The following GPR158 variants were observed in gnomAD, a reference collection of about 807,000 sequenced individuals.
GPR158 encodes the protein G protein-coupled receptor 158.
A neutral mutation model predicts 78.2 loss-of-function variants in GPR158; 30 were observed. The ratio of observed to expected loss-of-function variants is 0.38; its 90% CI spans 0.29 to 0.52. The LOEUF is 0.52. Ranked by LOEUF, GPR158 falls within the 20% of genes least tolerant of loss-of-function variation. GPR158 has a pLI of 0.83. For synonymous variants in GPR158, 581 were observed against 591.1 expected (o/e 0.98, Z 0.25); for missense variants, 1,463 against 1,523.5 (o/e 0.96, Z 0.66).
chr10:25,564,625 C>A (rs1564491303), intron 6 of GPR158, among the ~76,000 whole-genome samples: 1 of 152,158 alleles, frequency 6.6e-6, no homozygotes, highest in African/African-American at 2.4e-5. Flanking sequence ...AAAATAAGGT[C>A]CATTGTGCTC....
intron 5 of GPR158, among the ~76,000 whole-genome samples, chr10:25,530,407 A>G (rs2130692686): frequency 6.6e-6 from 1 of 152,290 alleles, no homozygotes; most frequent in African/African-American, 2.4e-5. Flanking sequence ...GCGATAAAAT[A>G]TTATTACGGA....
chr10:25,202,391 T>C (rs1466971125), intron 1 of GPR158, among the ~76,000 whole-genome samples: 1 of 152,120 alleles, frequency 6.6e-6, no homozygotes, highest in Non-Finnish European at 1.5e-5. Flanking sequence ...CCCCTAATGC[T>C]ATCTCTACCC....
At chr10:25,217,432 A>C (rs1472283307) in intron 1 of GPR158, among the ~76,000 whole-genome samples, 1 of 152,220 alleles carries the variant, frequency 6.6e-6, no homozygotes, top group Non-Finnish European at 1.5e-5. Context: ...GCCAAAGGTC[A>C]TCTCGTCACA....
chr10:25,574,525 G>C lies in GPR158; in HGVS notation c.1753+1638G>C, dbSNP rs73610306. ...CAGAACTCAGGAACCTTTTATAAAG[G>C]ACAAGTTCTTTAACCATGGGTAATG... On this transcript the variant is annotated intron_variant, in intron 7 of 10. Coordinates refer to ENST00000376351, the MANE Select transcript of GPR158 (RefSeq NM_020752.3). 5.6e-3 allele frequency among the ~76,000 whole-genome samples: 846 copies of C among 152,282 alleles called. 11 individuals carry two copies. Among genetic ancestry groups the C allele is most frequent in the African/African-American group, 0.019 (787 of 41,550 alleles).
At chr10:25,403,638 T>C (rs1472383245) in intron 3 of GPR158, among the ~76,000 whole-genome samples, 1 of 152,086 alleles carries the variant, frequency 6.6e-6, no homozygotes, top group Admixed American at 6.6e-5. Context: ...CAAATTTTGA[T>C]GCAACATGGT....
intron 1 of GPR158, among the ~76,000 whole-genome samples, chr10:25,205,066 T>G (rs1351981749): frequency 6.6e-6 from 1 of 152,130 alleles, no homozygotes; most frequent in Admixed American, 6.5e-5. Flanking sequence ...TTAGTTCTCA[T>G]TCTCTCTCTT....
intron 3 of GPR158, among the ~76,000 whole-genome samples, chr10:25,404,541 T>G (rs1834487564): frequency 6.6e-6 from 1 of 152,090 alleles, no homozygotes; most frequent in African/African-American, 2.4e-5. Flanking sequence ...TGCTACTAAT[T>G]CAGTAGATAG....
intron 2 of GPR158, among the ~76,000 whole-genome samples, chr10:25,297,476 A>G (rs555643284): frequency 6.6e-6 from 1 of 152,242 alleles, no homozygotes; most frequent in South Asian, 2.1e-4. Flanking sequence ...CCAAGAACCC[A>G]GAAGCATAAG....
chr10:25,515,243 T>C (rs1460485254), intron 5 of GPR158, among the ~76,000 whole-genome samples: 1 of 152,114 alleles, frequency 6.6e-6, no homozygotes, highest in Non-Finnish European at 1.5e-5. Context: ...AGCCTTGTCT[T>C]TGAGCTCTCA....
chr10:25,178,856 G>A (rs894431833), intron 1 of GPR158, among the ~76,000 whole-genome samples: 4 of 152,196 alleles, frequency 2.6e-5, no homozygotes, highest in African/African-American at 9.7e-5. Flanking sequence ...CAAAAATCAT[G>A]TATCAAGTTT....
At chr10:25,338,537 A>G (rs1033756720) in intron 2 of GPR158, among the ~76,000 whole-genome samples, 10 of 66,840 alleles carry the variant, frequency 1.5e-4, no homozygotes, top group South Asian at 4.9e-4. Context: ...TACGTATATT[A>G]TATATACGTA....
intron 2 of GPR158, among the ~76,000 whole-genome samples, chr10:25,310,359 G>C (rs1303550402): frequency 2.0e-5 from 3 of 152,172 alleles, no homozygotes; most frequent in Admixed American, 2.0e-4. Context: ...TCTTTTTCGG[G>C]ATTGCTTTTG....
intron 2 of GPR158, among the ~76,000 whole-genome samples, chr10:25,337,948 A>G (rs1855232811): frequency 6.6e-6 from 1 of 151,972 alleles, no homozygotes; most frequent in African/African-American, 2.4e-5. Context: ...TTAATATTTA[A>G]GTATTTCGAC....
intron 4 of GPR158, among the ~76,000 whole-genome samples, chr10:25,449,288 A>T (rs1375932485): frequency 6.6e-6 from 1 of 152,180 alleles, no homozygotes; most frequent in Admixed American, 6.5e-5. Context: ...TTTTTCTTAC[A>T]TCATTGGATT....
chr10:25,540,442 G>A (rs1341644284), intron 5 of GPR158, among the ~76,000 whole-genome samples: 2 of 152,168 alleles, frequency 1.3e-5, no homozygotes, highest in African/African-American at 4.8e-5. Context: ...CCATTACTGG[G>A]TATACACCCA....
intron 2 of GPR158, among the ~76,000 whole-genome samples, chr10:25,259,620 T>C (rs909246315): frequency 6.6e-5 from 10 of 152,186 alleles, no homozygotes; most frequent in Non-Finnish European, 1.5e-5. Flanking sequence ...AAAAATCATA[T>C]TGTCAAGTTC....
chr10:25,451,982 T>C (rs11014567), intron 4 of GPR158, among the ~76,000 whole-genome samples: 50,462 of 151,900 alleles, frequency 0.33, 10,094 homozygotes, highest in Middle Eastern at 0.46. Flanking sequence ...ATGGATGTAT[T>C]TCCCCACATT....
At chr10:25,209,073 C>T (rs1853092067) in intron 1 of GPR158, among the ~76,000 whole-genome samples, 2 of 152,066 alleles carry the variant, frequency 1.3e-5, no homozygotes, top group South Asian at 2.1e-4. Flanking sequence ...CCAGGCTAGT[C>T]TTGAACTCCT....
intron 5 of GPR158, among the ~76,000 whole-genome samples, chr10:25,528,261 C>A (rs1281659894): frequency 4.6e-5 from 7 of 151,796 alleles, no homozygotes; most frequent in East Asian, 1.9e-4. Flanking sequence ...ACAAACAATA[C>A]CCCTTATGAA....
Sources: allele counts gnomAD v4.1 joint callset (sites outside exome capture counted in the v4.1 genomes callset), GRCh38; gene constraint gnomAD v4.1.1; transcripts MANE v1.5; gene names NCBI Gene and HGNC (gene_info 2026-07-23, HGNC 2026-07-21).